Variants in FASTKD2 observed in about 807,000 individuals in gnomAD.
FASTKD2 encodes FAST kinase domains 2, also known as FAST kinase domain-containing protein 2, mitochondrial.
A neutral mutation model predicts 63.6 loss-of-function variants in FASTKD2; 51 were observed. The ratio of observed to expected loss-of-function variants is 0.80; its 90% CI spans 0.64 to 1.01. FASTKD2 has a LOEUF of 1.01. FASTKD2 is among the 50% of genes least tolerant of loss of function. The pLI, the probability that FASTKD2 is intolerant of heterozygous loss-of-function variation, is 0.00. For missense variants in FASTKD2, 786 were observed against 831.1 expected, an observed-to-expected ratio of 0.95 and a Z score of 0.67; for synonymous variants, 284 against 293.4, an observed-to-expected ratio of 0.97 and a Z score of 0.33.
At chr2:206,774,446 A>G in intron 7 of FASTKD2, 49 bp downstream of exon 7, 2 of 1,186,168 alleles carry the variant, frequency 1.7e-6, no homozygotes, top group Non-Finnish European at 2.5e-6. Flanking sequence ...TAACTTACAA[A>G]AAAGGTTATA....
In FASTKD2 at chr2:206,766,818, G is replaced by A. The variant is rs1453363018; in HGVS notation, c.125G>A (p.Arg42Lys). 2.5e-6 allele frequency: 4 copies of A among 1,612,086 alleles called. No individual in the cohort carries two copies. The highest frequency in any genetic ancestry group is 3.4e-6 in the Non-Finnish European group (4 of 1,178,922). ...STLVSTSRTM[R>K]LCCLGLCKPK... ...TTAGTTTCAACAAGCAGAACTATGA[G>A]GCTATGTTGTTTGGGACTTTGCAAA... The change falls in exon 2 of 12, where the codon AGG becomes AAG. Residue 42 changes from arginine to lysine, a missense_variant. Coordinates refer to ENST00000402774, the MANE Select transcript of FASTKD2 (RefSeq NM_001136193.2).
intron 7 of FASTKD2, among the ~76,000 whole-genome samples, chr2:206,781,315 T>TTC (rs1380099672): frequency 2.8e-5 from 4 of 143,680 alleles, no homozygotes; most frequent in African/African-American, 1.0e-4. Context: ...TTTTTTTTTT[T>TTC]TTTTTTTTTT....
At position 206,794,207 on chromosome 2, in the gene FASTKD2, T is replaced by C. The variant is rs1416273784; in HGVS notation, c.*2405T>C. On this transcript the variant is annotated 3_prime_UTR_variant, in exon 12 of 12. Coordinates refer to ENST00000402774, the MANE Select transcript of FASTKD2 (RefSeq NM_001136193.2). ...TAAAAGGTTCCTGTCTTTGCTTTTT[T>C]CTCTGTCCCCTAAACAACCACTGAT... Among the ~76,000 whole-genome samples the C allele has an allele frequency of 6.6e-6, 1 of 152,190 alleles. No individual in the cohort carries two copies. Among genetic ancestry groups the C allele is most frequent in the Non-Finnish European group, 1.5e-5 (1 of 68,034 alleles).
At chr2:206,787,527 TAG>T (rs1443248711) in intron 8 of FASTKD2, among the ~76,000 whole-genome samples, 7 of 152,214 alleles carry the variant, frequency 4.6e-5, no homozygotes, top group Admixed American at 3.3e-4. Context: ...AGTTGAGTTG[TAG>T]AGAGTCAGTC....
In FASTKD2 at chr2:206,787,128, G is replaced by A. The variant is rs539491993; in HGVS notation, c.1594+229G>A. Among the ~76,000 whole-genome samples, 7 of 152,194 alleles carry A rather than the reference G, an allele frequency of 4.6e-5. No individual in the cohort carries two copies. The East Asian group carries it at 1.2e-3, about 25-fold the overall frequency. On this transcript the variant is annotated intron_variant, in intron 8 of 11. Transcript: ENST00000402774. ...AAGTCCTACATGTAGAAAAAAATAA[G>A]GAATGCATCATTATTCCTTTTATTT...
chr2:206,779,654 T>TATTA (rs1689916898), intron 7 of FASTKD2, among the ~76,000 whole-genome samples: 2 of 152,140 alleles, frequency 1.3e-5, no homozygotes, highest in African/African-American at 2.4e-5. Context: ...CCAACAGGTC[T>TATTA]CTCCCTTAAT....
chr2:206,784,274 G>A (rs2105983785), intron 7 of FASTKD2, among the ~76,000 whole-genome samples: 1 of 152,360 alleles, frequency 6.6e-6, no homozygotes, highest in South Asian at 2.1e-4. Context: ...CCAAGTAAGT[G>A]CTTTATGGAG....
chr2:206,766,953 A>T lies in FASTKD2; in HGVS notation c.260A>T (p.Asp87Val), dbSNP rs1689510755. Residue 87 changes from aspartate (D) to valine (V), a missense_variant, in exon 2 of 12, where the codon GAT (aspartate) becomes GTT (valine). Asp to Val is a radical substitution (Grantham distance 152). Transcript: ENST00000402774. Reference protein sequence around the residue: ...LFQDAFIFKSDVGFQTKGIST... With the variant: ...LFQDAFIFKSVVGFQTKGIST... The stretch of plus-strand genomic sequence containing the variant: ...CAGGATGCATTCATTTTTAAATCAG[A>T]TGTTGGCTTTCAAACAAAGGGCATA... 1 of 1,607,116 alleles carries T rather than the reference A, an allele frequency of 6.2e-7. No homozygotes were observed. The highest frequency in any genetic ancestry group is 8.5e-7 in the Non-Finnish European group (1 of 1,175,100).
At position 206,772,004 on chromosome 2, in the gene FASTKD2, T is replaced by C; in HGVS notation, c.1101T>C (p.Ser367=). 5 of 1,613,740 alleles carry C rather than the reference T, an allele frequency of 3.1e-6. No homozygotes were observed. Among genetic ancestry groups the C allele is most frequent in the Non-Finnish European group, 4.2e-6 (5 of 1,179,672 alleles). ...HRSLILLDEC[S]KVVLDNIHGC... ...CTCTTATACTCCTGGATGAATGCAG[T>C]AAGGTGGTCCTAGGTAAGAGGAATT... Residue 367 remains serine (S), a synonymous_variant, in exon 5 of 12, where the codon AGT becomes AGC. Coordinates refer to ENST00000402774, the MANE Select transcript of FASTKD2 (RefSeq NM_001136193.2).
intron 7 of FASTKD2, among the ~76,000 whole-genome samples, chr2:206,782,750 C>T (rs566969795): frequency 5.4e-4 from 82 of 152,324 alleles, no homozygotes; most frequent in African/African-American, 1.9e-3. Flanking sequence ...TGGCAAATTA[C>T]TTATCTGTGC....
rs377755680 is a variant in FASTKD2 at position 206,786,779 on chromosome 2, A to T, written c.1474A>T (p.Thr492Ser). ...TAGTGCTCTGACTGGTTATCTTCAC[A>T]CTATTTCTTCTGAAAACTTATTGGA... ...MASALTGYLH[T>S]ISSENLLDAV... The change falls in exon 8 of 12, where the codon ACT (threonine) becomes TCT (serine). Residue 492 changes from threonine to serine, a missense_variant. Transcript: ENST00000402774. The T allele has an allele frequency of 1.2e-6, 2 of 1,613,684 alleles. No individual in the cohort carries two copies. The highest frequency in any genetic ancestry group is 1.7e-6 in the Non-Finnish European group (2 of 1,179,760).
At chr2:206,790,398 T>C in intron 10 of FASTKD2, 174 bp from the exon 11 acceptor site, 1 of 613,410 alleles carries the variant, frequency 1.6e-6, no homozygotes. Context: ...AAAGTAGCCT[T>C]GTATAGTGGA....
chr2:206,785,013 T>C lies in FASTKD2; in HGVS notation c.1428-1720T>C, dbSNP rs566115965. On this transcript the variant is annotated intron_variant, in intron 7 of 11. Transcript: ENST00000402774. ...CACTTTACAAAAGAAAGAGGTTTAATGGACTCACAGTTCCACATGGCTGGG... is the reference window on the plus strand; with the variant it reads ...CACTTTACAAAAGAAAGAGGTTTAACGGACTCACAGTTCCACATGGCTGGG... Among the ~76,000 whole-genome samples, 30 of 152,318 alleles carry C rather than the reference T, an allele frequency of 2.0e-4. No individual in the cohort carries two copies. In the South Asian group the frequency reaches 6.0e-3, roughly 31 times the overall value.
At chr2:206,777,056 T>C (rs1689842715) in intron 7 of FASTKD2, among the ~76,000 whole-genome samples, 1 of 152,154 alleles carries the variant, frequency 6.6e-6, no homozygotes, top group Admixed American at 6.5e-5. Context: ...GATACTATTA[T>C]AAACAAGATT....
chr2:206,775,397 G>A (rs1376041927), intron 7 of FASTKD2, among the ~76,000 whole-genome samples: 1 of 151,068 alleles, frequency 6.6e-6, no homozygotes, highest in Non-Finnish European at 1.5e-5. Flanking sequence ...TTGATATGAT[G>A]TATCATATTG....
At chr2:206,768,492 G>C (rs1689584149) in intron 2 of FASTKD2, among the ~76,000 whole-genome samples, 1 of 152,176 alleles carries the variant, frequency 6.6e-6, no homozygotes, top group Admixed American at 6.5e-5. Flanking sequence ...CTTGAGCCCA[G>C]GAGTTTGCGA....
rs559850503 is a variant in FASTKD2, at chr2:206,785,376, T to G, written c.1428-1357T>G. On this transcript the variant is annotated intron_variant, in intron 7 of 11. Coordinates refer to ENST00000402774, the MANE Select transcript of FASTKD2 (RefSeq NM_001136193.2). ...AGGGTCAGGGGATATCAGGCAGTGT[T>G]GCCTGGAGGGGTTGGTATCTGAGCT... Among the ~76,000 whole-genome samples, 4 of 152,232 alleles carry G rather than the reference T, an allele frequency of 2.6e-5. No homozygotes were observed. The East Asian group carries it at 7.7e-4, about 29-fold the overall frequency.
In FASTKD2 at chr2:206,771,265, C is replaced by G. The variant is rs748507111; in HGVS notation, c.965C>G (p.Pro322Arg). The G allele has an allele frequency of 2.5e-6, 4 of 1,606,902 alleles. No individual in the cohort carries two copies. The African/African-American group carries it at 5.4e-5, about 22-fold the overall frequency. Residue 322 changes from proline (P) to arginine (R), a missense_variant, in exon 4 of 12, where the codon CCG (proline) becomes CGG (arginine). Physicochemically the swap from Pro to Arg is moderately radical, Grantham distance 103. Coordinates refer to ENST00000402774, the MANE Select transcript of FASTKD2 (RefSeq NM_001136193.2). ...ATGAAGTGTATTGGAAAAGATGCAC[C>G]GATTGCTCTTAAGAGGAAACTGGAG... ...VVMKCIGKDA[P>R]IALKRKLEMK...
intron 7 of FASTKD2, among the ~76,000 whole-genome samples, chr2:206,780,657 C>A (rs1689947428): frequency 6.6e-6 from 1 of 152,072 alleles, no homozygotes; most frequent in Non-Finnish European, 1.5e-5. Flanking sequence ...ATTACTCTTT[C>A]TAGATTTGTG....
Sources: gnomAD v4.1 joint callset for allele counts (sites outside exome capture counted in the v4.1 genomes callset) on GRCh38, gnomAD v4.1.1 for gene constraint, MANE v1.5 for transcripts, NCBI Gene and HGNC (gene_info 2026-07-23, HGNC 2026-07-21) for gene names.